Variants in CDC14A observed in about 807,000 individuals in gnomAD.
CDC14A encodes cell division cycle 14A.
In CDC14A, 53 loss-of-function variants were observed where a neutral mutation model predicts 74.4. The ratio of observed to expected loss-of-function variants is 0.71; its 90% CI spans 0.57 to 0.89. The LOEUF (loss-of-function observed/expected upper bound fraction) is 0.89, where lower values mean the gene tolerates loss of function less well. Ranked by LOEUF, CDC14A falls within the 40% of genes least tolerant of loss-of-function variation. The probability of loss-of-function intolerance (pLI) is 0.00; values close to 1 mark genes in which losing one functional copy is unlikely to be tolerated. For missense variants in CDC14A, 646 were observed against 713.7 expected (o/e 0.91, Z 1.08); for synonymous variants, 247 against 258.4 (o/e 0.96, Z 0.43).
chr1:100,443,179 T>G (rs1001704196), intron 7 of CDC14A, 183 bp downstream of exon 7: 1 of 519,250 alleles, frequency 1.9e-6, no homozygotes, highest in African/African-American at 2.0e-5. Context: ...CACCAAAATT[T>G]TATTTTGGAA....
At chr1:100,424,003 A>T (rs1662659900) in intron 4 of CDC14A, 1 of 489,486 alleles carries the variant, frequency 2.0e-6, no homozygotes, top group Non-Finnish European at 3.8e-6. Context: ...CTCTTCATGG[A>T]TCTGCCCTCT....
At position 100,420,031 on chromosome 1, in the gene CDC14A, TACACACACACACACACAC is replaced by T. The variant is rs368385925; in HGVS notation, c.310-4175_310-4158del. On this transcript the variant is annotated intron_variant, in intron 4 of 15. Transcript: ENST00000336454. Reference sequence around the variant, plus strand: ...ATATATACATATATATATACATATATACACACACACACACACACACACACACACACACATATATATATA... The same window carrying T: ...ATATATACATATATATATACATATATACACACACACACACATATATATATA... Among the ~76,000 whole-genome samples, 620 of 82,914 alleles carry T rather than the reference TACACACACACACACACAC, an allele frequency of 7.5e-3. 13 individuals carry two copies. Among genetic ancestry groups the T allele is most frequent in the African/African-American group, 0.021 (591 of 28,246 alleles). 54.4% of individuals were successfully genotyped at this position (82,914 alleles called of 152,430 possible).
intron 15 of CDC14A, among the ~76,000 whole-genome samples, chr1:100,507,463 A>G (rs887996645): frequency 1.7e-4 from 25 of 150,408 alleles, no homozygotes; most frequent in African/African-American, 6.1e-4. Context: ...CTCAGCCATC[A>G]TTCTTCTTTT....
At chr1:100,501,652 TCTC>T (rs1648746731) in intron 15 of CDC14A, among the ~76,000 whole-genome samples, 1 of 152,232 alleles carries the variant, frequency 6.6e-6, no homozygotes. Flanking sequence ...GTATACACCT[TCTC>T]CTTATTAAAA....
At chr1:100,515,654 G>A (rs1650151731) in intron 15 of CDC14A, among the ~76,000 whole-genome samples, 2 of 151,804 alleles carry the variant, frequency 1.3e-5, no homozygotes, top group Admixed American at 1.3e-4. Flanking sequence ...CAAAGTGCTG[G>A]GATTACAGGT....
chr1:100,412,235 G>A (rs375317093), intron 4 of CDC14A, among the ~76,000 whole-genome samples: 6 of 152,156 alleles, frequency 3.9e-5, no homozygotes, highest in Admixed American at 1.3e-4. Flanking sequence ...GTATCGTTCC[G>A]ATTTCTCTTA....
At chr1:100,429,395 A>G (rs1337830233) in intron 5 of CDC14A, among the ~76,000 whole-genome samples, 1 of 151,776 alleles carries the variant, frequency 6.6e-6, no homozygotes, top group Non-Finnish European at 1.5e-5. Context: ...GCTGACAGTA[A>G]TGGAATAAAG....
chr1:100,389,416 C>T (rs562507352), intron 3 of CDC14A, among the ~76,000 whole-genome samples: 2 of 150,542 alleles, frequency 1.3e-5, no homozygotes, highest in African/African-American at 4.9e-5. Context: ...TGCGCCACTG[C>T]ACTCCAGCCT....
chr1:100,448,130 AC>A (rs1665757767), intron 7 of CDC14A, among the ~76,000 whole-genome samples: 1 of 152,126 alleles, frequency 6.6e-6, no homozygotes. Flanking sequence ...TACATTTATT[AC>A]CCCATTCAAA....
intron 7 of CDC14A, among the ~76,000 whole-genome samples, chr1:100,453,265 A>G (rs1666328079): frequency 6.6e-6 from 1 of 152,220 alleles, no homozygotes; most frequent in Admixed American, 6.5e-5. Context: ...CTATTTAACC[A>G]AATGGATTTC....
rs181988452 is a variant in CDC14A at position 100,503,673 on chromosome 1, C to T, written c.1755+4411C>T. On this transcript the variant is annotated intron_variant, in intron 15 of 15. Coordinates refer to ENST00000336454, the MANE Select transcript of CDC14A (RefSeq NM_003672.4). Reference sequence around the variant, plus strand: ...TCTTTTGCTAGTCTTGCAGTTTCTACTGCCCTGTGCAATGCACACACACAA... The same window carrying T: ...TCTTTTGCTAGTCTTGCAGTTTCTATTGCCCTGTGCAATGCACACACACAA... 7.2e-5 allele frequency among the ~76,000 whole-genome samples: 11 copies of T among 152,324 alleles called. No homozygotes were observed. The East Asian group carries it at 2.1e-3, about 29-fold the overall frequency.
chr1:100,386,180 G>A (rs1656839435), intron 3 of CDC14A, among the ~76,000 whole-genome samples: 1 of 150,344 alleles, frequency 6.7e-6, no homozygotes, highest in African/African-American at 2.5e-5. Context: ...AAAAAAAAAA[G>A]AAGAGTATTT....
chr1:100,474,662 T>C (rs951092198), intron 10 of CDC14A, among the ~76,000 whole-genome samples: 1 of 151,710 alleles, frequency 6.6e-6, no homozygotes, highest in Non-Finnish European at 1.5e-5. Flanking sequence ...AGTGATTTTC[T>C]TGGCTTCATT....
At chr1:100,432,488 T>C (rs1396024937) in intron 5 of CDC14A, among the ~76,000 whole-genome samples, 1 of 152,184 alleles carries the variant, frequency 6.6e-6, no homozygotes, top group African/African-American at 2.4e-5. Flanking sequence ...AAAATACATA[T>C]TGGATTTCAA....
chr1:100,399,879 T>C (rs1659036753), intron 4 of CDC14A, among the ~76,000 whole-genome samples: 1 of 151,942 alleles, frequency 6.6e-6, no homozygotes, highest in Non-Finnish European at 1.5e-5. Context: ...GATGAAGTCA[T>C]TTTATCTGTG....
rs1667422157 is a variant in CDC14A at position 100,462,638 on chromosome 1, T to G, written c.608-13T>G. 6.2e-7 allele frequency: 1 copy of G among 1,604,742 alleles called. No homozygotes were observed. The highest frequency in any genetic ancestry group is 8.5e-7 in the Non-Finnish European group (1 of 1,171,856). On this transcript the variant is annotated splice_polypyrimidine_tract_variant and intron_variant, in intron 8 of 15. Coordinates refer to ENST00000336454, the MANE Select transcript of CDC14A (RefSeq NM_003672.4). ...ATGCATGCCTTTTGCTTACTGCTCCTTTGTTCCTTTAGGTTATCCTCTTCA... is the reference window on the plus strand; with the variant it reads ...ATGCATGCCTTTTGCTTACTGCTCCGTTGTTCCTTTAGGTTATCCTCTTCA...
At chr1:100,412,470 GCT>G (rs1405351900) in intron 4 of CDC14A, among the ~76,000 whole-genome samples, 1 of 150,278 alleles carries the variant, frequency 6.7e-6, no homozygotes, top group Non-Finnish European at 1.5e-5. Context: ...ACTGTGGAAA[GCT>G]CTCTGTTTTT....
At chr1:100,352,421 C>A (rs1248544369), upstream of CDC14A, 83 of 840,318 alleles carry the variant, frequency 9.9e-5, no homozygotes, top group Non-Finnish European at 1.1e-4. Flanking sequence ...TGAGGGAGGG[C>A]GGGGAGGAAG....
chr1:100,416,687 A>G (rs994555279), intron 4 of CDC14A, among the ~76,000 whole-genome samples: 5 of 152,186 alleles, frequency 3.3e-5, no homozygotes, highest in African/African-American at 1.2e-4. Context: ...AGGAAAAAAA[A>G]CATTTTGGGA....
Sources: gnomAD v4.1 joint callset for allele counts (sites outside exome capture counted in the v4.1 genomes callset) on GRCh38, gnomAD v4.1.1 for gene constraint, MANE v1.5 for transcripts, NCBI Gene and HGNC (gene_info 2026-07-23, HGNC 2026-07-21) for gene names.